The following USP15 variants were observed in gnomAD, a reference collection of about 807,000 sequenced individuals.
The protein encoded by USP15 is ubiquitin specific peptidase 15.
Under a neutral mutation model 127.1 loss-of-function variants are expected in USP15, and 18 were observed. The ratio of observed to expected loss-of-function variants is 0.14; its 90% confidence interval spans 0.10 to 0.21. USP15 has a LOEUF of 0.21. USP15 is among the 10% of genes least tolerant of loss of function. The pLI is 1.00. For synonymous variants in USP15, 364 were observed against 393.7 expected (o/e 0.92, Z 0.89); for missense variants, 805 against 1,159.9 (o/e 0.69, Z 4.44).
rs1380549788 is a variant in USP15, at chr12:62,394,720, G to A, written c.2570+1518G>A. On this transcript the variant is annotated intron_variant, in intron 19 of 21. Transcript: ENST00000280377. ...AAACATTAGCCGGGCATGGTTGTGC[G>A]CGCCTGTAGTCCCAGCTACTCGGGA... is the stretch of plus-strand genomic sequence containing the variant. Among the ~76,000 whole-genome samples the A allele has an allele frequency of 5.3e-5, 8 of 151,854 alleles. No individual in the cohort carries two copies. In the East Asian group the frequency reaches 5.8e-4, roughly 11 times the overall value.
chr12:62,349,252 C>T lies in USP15; in HGVS notation c.715C>T (p.Pro239Ser). The change falls in exon 7 of 22, where the codon CCA becomes TCA. Residue 239 changes from proline to serine, a missense_variant. Physicochemically the swap from Pro to Ser is moderately conservative, Grantham distance 74. This residue lies in a region of USP15 where 84 missense variants were observed against 107.7 expected (regional missense o/e 0.78). Transcript: ENST00000280377. ...AGGTGCATCCAATTTTTCAACTTTA[C>T]CAAAGATCTCTCCTTCATCTCTATC... is the stretch of plus-strand genomic sequence containing the variant. ...SPGASNFSTL[P>S]KISPSSLSNN... 1 of 1,503,926 alleles carries T rather than the reference C, an allele frequency of 6.6e-7. No homozygotes were observed. The highest frequency in any genetic ancestry group is 8.8e-7 in the Non-Finnish European group (1 of 1,130,462). 93.2% of individuals were successfully genotyped at this position (1,503,926 alleles called of 1,614,324 possible).
intron 6 of USP15, among the ~76,000 whole-genome samples, chr12:62,333,923 A>G (rs1435170089): frequency 6.6e-6 from 1 of 152,212 alleles, no homozygotes; most frequent in Non-Finnish European, 1.5e-5. Context: ...TAGAATAATC[A>G]TGAAGGCTCA....
At chr12:62,335,263 A>T in intron 6 of USP15, 1 of 1,518,744 alleles carries the variant, frequency 6.6e-7, no homozygotes, top group Non-Finnish European at 8.8e-7. Context: ...CAGACTGACC[A>T]GTCAACCCCT....
At chr12:62,369,311 A>G (rs979163180) in intron 8 of USP15, among the ~76,000 whole-genome samples, 1 of 152,224 alleles carries the variant, frequency 6.6e-6, no homozygotes, top group Non-Finnish European at 1.5e-5. Flanking sequence ...ATAGAGAATT[A>G]CCAGGGATGC....
chr12:62,391,518 C>T lies in USP15; in HGVS notation c.2233+89C>T, dbSNP rs974793600. Reference sequence around the variant, plus strand: ...TGAAAACCATGAAATTCAGCTCTGTCAAGAAATATACCATTTACTTTTCTA... The same window carrying T: ...TGAAAACCATGAAATTCAGCTCTGTTAAGAAATATACCATTTACTTTTCTA... On this transcript the variant is annotated intron_variant, in intron 16 of 21. Transcript: ENST00000280377. 8 of 1,480,364 alleles carry T rather than the reference C, an allele frequency of 5.4e-6. No homozygotes were observed. In the Admixed American group the frequency reaches 1.9e-4, roughly 35 times the overall value. 91.7% of individuals were successfully genotyped at this position (1,480,364 alleles called of 1,614,324 possible).
intron 20 of USP15, among the ~76,000 whole-genome samples, chr12:62,398,479 T>G (rs575120316): frequency 1.3e-5 from 2 of 152,348 alleles, no homozygotes; most frequent in African/African-American, 4.8e-5. Context: ...TAAGTACTGC[T>G]TTAGCTGTAC....
At chr12:62,296,167 C>G (rs2064121240) in intron 2 of USP15, among the ~76,000 whole-genome samples, 1 of 152,316 alleles carries the variant, frequency 6.6e-6, no homozygotes, top group South Asian at 2.1e-4. Context: ...AAACTCACAA[C>G]CATGAGTAAC....
At chr12:62,356,794 C>A (rs978982053) in intron 8 of USP15, among the ~76,000 whole-genome samples, 2 of 151,812 alleles carry the variant, frequency 1.3e-5, no homozygotes, top group Non-Finnish European at 2.9e-5. Context: ...AGGAAGAAAG[C>A]CAAAATGTAT....
Position 62,408,853 on chromosome 12 carries a change from A to G in USP15, c.*4478A>G, listed in dbSNP as rs924929088. The G allele has an allele frequency of 1.3e-5, 2 of 152,016 alleles. No homozygotes were observed. The highest frequency in any genetic ancestry group is 1.9e-4 in the East Asian group (1 of 5,188). 9.4% of individuals were successfully genotyped at this position (152,016 alleles called of 1,614,324 possible). ...TGGAGGCCATTTCAATTCAATATGT[A>G]TGTGTTTTACGTGTTTAATTCGTAT... On this transcript the variant is annotated 3_prime_UTR_variant, in exon 22 of 22. Transcript: ENST00000280377.
At chr12:62,309,387 C>G (rs898176366) in intron 3 of USP15, among the ~76,000 whole-genome samples, 3 of 151,996 alleles carry the variant, frequency 2.0e-5, no homozygotes, top group Admixed American at 6.6e-5. Flanking sequence ...ATAGGAAACT[C>G]GAATTCACCT....
At chr12:62,391,938 A>C in intron 17 of USP15, 52 bp downstream of exon 17, 1 of 1,458,700 alleles carries the variant, frequency 6.9e-7, no homozygotes, top group Non-Finnish European at 9.4e-7. Context: ...ACTTTATGTG[A>C]TTACCAGAGA....
At chr12:62,261,557 A>T (rs982401434) in intron 1 of USP15, among the ~76,000 whole-genome samples, 6 of 152,212 alleles carry the variant, frequency 3.9e-5, no homozygotes, top group Non-Finnish European at 5.9e-5. Context: ...TTCACCACTC[A>T]ACTTGCAGTA....
chr12:62,284,432 A>C (rs1441987199), intron 1 of USP15, among the ~76,000 whole-genome samples: 1 of 152,232 alleles, frequency 6.6e-6, no homozygotes, highest in Admixed American at 6.5e-5. Flanking sequence ...GAATACTGGT[A>C]CATAGATAAT....
chr12:62,296,399 C>T (rs1264975381), intron 2 of USP15, among the ~76,000 whole-genome samples: 1 of 152,196 alleles, frequency 6.6e-6, no homozygotes, highest in Non-Finnish European at 1.5e-5. Flanking sequence ...AAACTAATAA[C>T]ACATGCTAAC....
chr12:62,294,514 A>G (rs1315952868), intron 2 of USP15: 15 of 439,498 alleles, frequency 3.4e-5, no homozygotes, highest in Non-Finnish European at 5.0e-5. Flanking sequence ...TTCATTTATG[A>G]TGTAATAAGG....
At chr12:62,395,104 A>C (rs992477559) in intron 19 of USP15, among the ~76,000 whole-genome samples, 3 of 152,158 alleles carry the variant, frequency 2.0e-5, no homozygotes, top group Non-Finnish European at 4.4e-5. Context: ...AATAAAAATT[A>C]AGGTTTGATA....
intron 1 of USP15, among the ~76,000 whole-genome samples, chr12:62,289,976 C>G (rs114607460): frequency 8.6e-5 from 13 of 151,870 alleles, no homozygotes; most frequent in Admixed American, 8.5e-4. Flanking sequence ...TAAGAAGATA[C>G]TTGATATGAT....
intron 3 of USP15, 81 bp downstream of exon 3, chr12:62,303,001 A>C (rs905711433): frequency 2.0e-5 from 30 of 1,485,176 alleles, no homozygotes; most frequent in Non-Finnish European, 2.7e-5. Flanking sequence ...TGAATTGTGA[A>C]GTTTCATCAC....
intron 6 of USP15, chr12:62,328,216 T>C: frequency 2.4e-6 from 1 of 414,552 alleles, no homozygotes; most frequent in Non-Finnish European, 4.8e-6. Flanking sequence ...CAAGGTTGTC[T>C]AATATAAGAT....
Sources: allele counts gnomAD v4.1 joint callset (sites outside exome capture counted in the v4.1 genomes callset), GRCh38; gene constraint gnomAD v4.1.1; regional missense constraint gnomAD v4.1.1; transcripts MANE v1.5; gene names NCBI Gene and HGNC (gene_info 2026-07-23, HGNC 2026-07-21).